The following RANBP2 variants were observed in gnomAD, a reference collection of about 807,000 sequenced individuals.
RANBP2 encodes RAN binding protein 2, also known as E3 SUMO-protein ligase RanBP2.
Under a neutral mutation model 303.6 loss-of-function variants are expected in RANBP2, and 57 were observed. That is an observed-to-expected ratio of 0.19 (90% CI 0.15 to 0.23). RANBP2 has a LOEUF of 0.23. RANBP2 is among the 10% of genes least tolerant of loss of function. RANBP2 has a pLI of 1.00. For missense variants in RANBP2, 3,138 were observed against 3,780.8 expected (o/e 0.83, Z 4.46); for synonymous variants, 1,167 against 1,301.5 (o/e 0.90, Z 2.23).
At chr2:109,720,242 C>G in the RANBP2 span, among the ~76,000 whole-genome samples, 5 of 151,860 alleles carry the variant, frequency 3.3e-5, no homozygotes, top group Non-Finnish European at 7.4e-5. Context: ...TATATACACA[C>G]ACATATATAT....
chr2:108,746,279 C>T (rs1696515139), intron 7 of RANBP2, among the ~76,000 whole-genome samples: 2 of 141,300 alleles, frequency 1.4e-5, no homozygotes, highest in Admixed American at 1.5e-4. Context: ...ATGGCGCAGT[C>T]TCAGCCCACT....
At chr2:109,113,153 T>C in the RANBP2 span, among the ~76,000 whole-genome samples, 1 of 152,018 alleles carries the variant, frequency 6.6e-6, no homozygotes, top group Non-Finnish European at 1.5e-5. Flanking sequence ...TAAAGTAGTT[T>C]TTTCCGATTC....
the RANBP2 span, chr2:109,449,341 C>G: frequency 6.2e-7 from 1 of 1,606,306 alleles, no homozygotes; most frequent in African/African-American, 1.3e-5. Context: ...CCGGCCATCC[C>G]CCTCACATCA....
chr2:109,047,357 T>A, the RANBP2 span, among the ~76,000 whole-genome samples: 1 of 152,214 alleles, frequency 6.6e-6, no homozygotes, highest in Non-Finnish European at 1.5e-5. Context: ...GATGACTCAG[T>A]GAGGTACAAG....
At chr2:109,449,182 C>A in the RANBP2 span, 1 of 1,613,558 alleles carries the variant, frequency 6.2e-7, no homozygotes, top group South Asian at 1.1e-5. Context: ...GCCCACTCTG[C>A]AGCCCAGGCT....
the RANBP2 span, among the ~76,000 whole-genome samples, chr2:109,079,089 C>G: frequency 3.3e-5 from 5 of 152,066 alleles, no homozygotes; most frequent in Admixed American, 6.5e-5. Context: ...GAACAACATG[C>G]GTTTAAATTA....
chr2:109,128,939 C>T, the RANBP2 span: 3 of 393,002 alleles, frequency 7.6e-6, no homozygotes, highest in Non-Finnish European at 1.5e-5. Flanking sequence ...GCGCCTCCTT[C>T]CCTGAGCCCC....
downstream of RANBP2, chr2:108,788,903 C>G (rs1255463759): frequency 5.0e-6 from 8 of 1,613,846 alleles, no homozygotes; most frequent in Admixed American, 1.3e-4. Context: ...TTAAAATATT[C>G]TGATGAAAGC....
chr2:109,264,677 T>C, the RANBP2 span, among the ~76,000 whole-genome samples: 23 of 152,348 alleles, frequency 1.5e-4, no homozygotes, highest in African/African-American at 5.0e-4. Flanking sequence ...CCCCTCCCAC[T>C]GAGCCCAGTG....
the RANBP2 span, among the ~76,000 whole-genome samples, chr2:109,443,382 G>A: frequency 6.6e-6 from 1 of 152,150 alleles, no homozygotes; most frequent in Non-Finnish European, 1.5e-5. Flanking sequence ...GTGTGACGCT[G>A]AAACAAAAAT....
chr2:108,985,250 G>A, the RANBP2 span, among the ~76,000 whole-genome samples: 2 of 152,214 alleles, frequency 1.3e-5, no homozygotes, highest in African/African-American at 4.8e-5. Flanking sequence ...CTTGGCTTCT[G>A]TGCTACACTG....
chr2:109,395,415 C>G, the RANBP2 span, among the ~76,000 whole-genome samples: 2 of 152,220 alleles, frequency 1.3e-5, no homozygotes, highest in East Asian at 3.9e-4. Flanking sequence ...TGGGAGACCC[C>G]TCGGCAGCGG....
chr2:109,367,360 C>T, the RANBP2 span, among the ~76,000 whole-genome samples: 1 of 152,106 alleles, frequency 6.6e-6, no homozygotes, highest in African/African-American at 2.4e-5. Context: ...CAGCTTACTG[C>T]AACCTCTGCC....
chr2:109,268,284 G>A, the RANBP2 span, among the ~76,000 whole-genome samples: 1 of 151,708 alleles, frequency 6.6e-6, no homozygotes, highest in Non-Finnish European at 1.5e-5. Context: ...CCCTTCTCTG[G>A]GCTCCAGGTG....
chr2:108,770,962 G>T (rs1677456906), intron 20 of RANBP2, among the ~76,000 whole-genome samples: 1 of 152,020 alleles, frequency 6.6e-6, no homozygotes. Flanking sequence ...GGTATACATG[G>T]CATGCTTCAT....
chr2:109,620,843 G>A, the RANBP2 span, among the ~76,000 whole-genome samples: 1 of 152,308 alleles, frequency 6.6e-6, no homozygotes, highest in South Asian at 2.1e-4. Context: ...ATCCCAAAGA[G>A]CAAATGAATA....
chr2:109,640,686 G>A, the RANBP2 span, among the ~76,000 whole-genome samples: 1 of 152,068 alleles, frequency 6.6e-6, no homozygotes. Flanking sequence ...CTGCTCTTAG[G>A]AGTCCCGGCC....
the RANBP2 span, among the ~76,000 whole-genome samples, chr2:108,917,703 A>ACCC: frequency 5.7e-3 from 860 of 151,980 alleles, 5 homozygotes; most frequent in African/African-American, 0.02. Flanking sequence ...GGCTGACCTC[A>ACCC]TGAGGGTGAG....
At chr2:108,962,661 C>A in the RANBP2 span, among the ~76,000 whole-genome samples, 6 of 114,536 alleles carry the variant, frequency 5.2e-5, no homozygotes, top group Non-Finnish European at 9.8e-5. Flanking sequence ...GGCGACAGAG[C>A]GAGACTCTGT....
Sources: allele counts gnomAD v4.1 joint callset (sites outside exome capture counted in the v4.1 genomes callset), GRCh38; gene constraint gnomAD v4.1.1; transcripts MANE v1.5; gene names NCBI Gene and HGNC (gene_info 2026-07-23, HGNC 2026-07-21).